RIC8B: variants seen among roughly 807,000 people sequenced by gnomAD.
RIC8B encodes the protein chaperone Ric-8B.
RIC8B carries 16 observed loss-of-function variants against 57.5 expected under a neutral mutation model. The ratio of observed to expected loss-of-function variants is 0.28; its 90% CI spans 0.19 to 0.42. The LOEUF (loss-of-function observed/expected upper bound fraction) is 0.42, where lower values mean the gene tolerates loss of function less well. Among genes scored for constraint, RIC8B ranks in the 10% least tolerant of loss-of-function variants. The pLI is 1.00. For missense variants in RIC8B, 481 were observed against 677.0 expected (o/e 0.71, Z 3.21); for synonymous variants, 216 against 250.8 (o/e 0.86, Z 1.31).
intron 2 of RIC8B, chr12:106,797,961 T>A (rs2044558301): frequency 2.9e-6 from 2 of 692,070 alleles, no homozygotes; most frequent in African/African-American, 3.6e-5. Context: ...CGATTCTATT[T>A]ATTTCCTGAT....
chr12:106,838,906 G>T (rs2046740771), intron 4 of RIC8B, among the ~76,000 whole-genome samples: 1 of 150,904 alleles, frequency 6.6e-6, no homozygotes, highest in African/African-American at 2.4e-5. Flanking sequence ...ACAGACAACA[G>T]GTACATGAAA....
intron 2 of RIC8B, among the ~76,000 whole-genome samples, chr12:106,813,876 C>G (rs1223374056): frequency 6.6e-6 from 1 of 152,094 alleles, no homozygotes. Context: ...AGAAAACTGA[C>G]ATTGAATTTT....
intron 2 of RIC8B, among the ~76,000 whole-genome samples, chr12:106,809,732 G>A (rs889837878): frequency 2.0e-5 from 3 of 151,912 alleles, no homozygotes; most frequent in African/African-American, 7.3e-5. Context: ...ATATTTATGG[G>A]GTACATGTGA....
chr12:106,871,080 T>C, intron 9 of RIC8B, 138 bp downstream of exon 9: 2 of 693,284 alleles, frequency 2.9e-6, no homozygotes, highest in Non-Finnish European at 4.5e-6. Context: ...CAGCAGTAGT[T>C]CAGATAGCTC....
chr12:106,789,393 C>G (rs2136188244), intron 2 of RIC8B, among the ~76,000 whole-genome samples: 1 of 152,236 alleles, frequency 6.6e-6, no homozygotes, highest in Admixed American at 6.5e-5. Flanking sequence ...GGTATCTTTT[C>G]AGCAACACCC....
At chr12:106,812,922 C>A (rs935702047) in intron 2 of RIC8B, among the ~76,000 whole-genome samples, 4 of 151,956 alleles carry the variant, frequency 2.6e-5, no homozygotes, top group African/African-American at 9.7e-5. Context: ...AGATAAAGTT[C>A]TTTTCCACAT....
intron 2 of RIC8B, among the ~76,000 whole-genome samples, chr12:106,805,854 CTGTT>C (rs1487858360): frequency 2.0e-5 from 3 of 152,210 alleles, no homozygotes; most frequent in Non-Finnish European, 2.9e-5. Flanking sequence ...GCCCATTTCT[CTGTT>C]TGTCTTACAG....
intron 8 of RIC8B, chr12:106,868,318 A>G: frequency 4.4e-6 from 2 of 456,910 alleles, no homozygotes; most frequent in Non-Finnish European, 8.8e-6. Context: ...GAATTTGAGG[A>G]GAGAAGCCAT....
intron 2 of RIC8B, among the ~76,000 whole-genome samples, chr12:106,796,480 C>T (rs950284134): frequency 6.6e-6 from 1 of 152,112 alleles, no homozygotes; most frequent in African/African-American, 2.4e-5. Flanking sequence ...TGCTGTGACA[C>T]TTAGGTAGCC....
chr12:106,855,191 A>C (rs1273571192), intron 7 of RIC8B, among the ~76,000 whole-genome samples: 1 of 152,194 alleles, frequency 6.6e-6, no homozygotes, highest in African/African-American at 2.4e-5. Context: ...CCCTTAGCAC[A>C]TAGCCCCACA....
chr12:106,824,020 G>A (rs967840446), intron 3 of RIC8B, among the ~76,000 whole-genome samples: 1 of 152,130 alleles, frequency 6.6e-6, no homozygotes, highest in Admixed American at 6.5e-5. Context: ...CGTTTGAGAT[G>A]GATAGTGAAT....
At chr12:106,849,100 G>A (rs1384940543) in intron 6 of RIC8B, among the ~76,000 whole-genome samples, 2 of 151,974 alleles carry the variant, frequency 1.3e-5, no homozygotes, top group Non-Finnish European at 2.9e-5. Flanking sequence ...TTGTTGTACA[G>A]TTTAAAAACA....
intron 2 of RIC8B, among the ~76,000 whole-genome samples, chr12:106,803,420 G>A (rs2044844881): frequency 6.6e-6 from 1 of 152,076 alleles, no homozygotes; most frequent in Non-Finnish European, 1.5e-5. Context: ...ATTGGACACA[G>A]TTTGTTTGAC....
rs536834280 is a variant in RIC8B, at chr12:106,816,279, C to T, written c.741+975C>T. On this transcript the variant is annotated intron_variant, in intron 3 of 9. Coordinates refer to ENST00000392837, the MANE Select transcript of RIC8B (RefSeq NM_001330145.2). ...ACCCATGAGTAAAGATCTGTTTTTG[C>T]CAGCAGCCTACTTTAAAGGGATTAT... is the stretch of plus-strand genomic sequence containing the variant. 2.6e-5 allele frequency among the ~76,000 whole-genome samples: 4 copies of T among 152,256 alleles called. No individual in the cohort carries two copies. The East Asian group carries it at 7.7e-4, about 29-fold the overall frequency.
chr12:106,856,347 A>G (rs1949715177), intron 7 of RIC8B, among the ~76,000 whole-genome samples: 1 of 152,098 alleles, frequency 6.6e-6, no homozygotes, highest in South Asian at 2.1e-4. Flanking sequence ...GTAAAAACCA[A>G]ATTTTACCTC....
At chr12:106,787,026 G>A (rs929752360) in intron 2 of RIC8B, among the ~76,000 whole-genome samples, 1 of 152,132 alleles carries the variant, frequency 6.6e-6, no homozygotes, top group Non-Finnish European at 1.5e-5. Context: ...CAGGTGAAAG[G>A]GAGAAATTTC....
At chr12:106,809,522 C>CAAAAAAAAAAAA (rs201411394) in intron 2 of RIC8B, among the ~76,000 whole-genome samples, 1 of 105,550 alleles carries the variant, frequency 9.5e-6, no homozygotes, top group Non-Finnish European at 2.0e-5. Context: ...ACTCTTGTCT[C>CAAAAAAAAAAAA]AAAAAAAAAA....
At chr12:106,822,987 G>A (rs1218421699) in intron 3 of RIC8B, 2 of 153,458 alleles carry the variant, frequency 1.3e-5, no homozygotes, top group African/African-American at 4.8e-5. Flanking sequence ...AAGAATTCTG[G>A]GATTCTTAAT....
chr12:106,821,935 G>A (rs899532259), intron 3 of RIC8B, among the ~76,000 whole-genome samples: 1 of 151,238 alleles, frequency 6.6e-6, no homozygotes, highest in African/African-American at 2.4e-5. Flanking sequence ...AAAATTAGCC[G>A]GCTGTGGTGG....
Sources: allele counts gnomAD v4.1 joint callset (sites outside exome capture counted in the v4.1 genomes callset), GRCh38; gene constraint gnomAD v4.1.1; transcripts MANE v1.5; gene names NCBI Gene and HGNC (gene_info 2026-07-23, HGNC 2026-07-21).